TSHZ3: variants seen among roughly 807,000 people sequenced by gnomAD.
TSHZ3 encodes the protein teashirt homolog 3.
A neutral mutation model predicts 64.5 loss-of-function variants in TSHZ3; 10 were observed. That is an observed-to-expected ratio of 0.16 (90% CI 0.10 to 0.26). The LOEUF (loss-of-function observed/expected upper bound fraction) is 0.26, where lower values mean the gene tolerates loss of function less well. Among genes scored for constraint, TSHZ3 ranks in the 10% least tolerant of loss-of-function variants. The probability of loss-of-function intolerance (pLI) is 1.00; values close to 1 mark genes in which losing one functional copy is unlikely to be tolerated. For missense variants in TSHZ3, 1,242 were observed against 1,421.7 expected, an observed-to-expected ratio of 0.87 and a Z score of 2.03; for synonymous variants, 608 against 593.1, an observed-to-expected ratio of 1.03 and a Z score of -0.36.
intron 1 of TSHZ3, 92 bp downstream of exon 1, chr19:31,349,088 C>G (rs2021614216): frequency 6.8e-7 from 1 of 1,465,642 alleles, no homozygotes; most frequent in Non-Finnish European, 9.1e-7. Context: ...GGCAGAAGAG[C>G]GGGGCGAGGA....
At chr19:31,271,962 G>A (rs1376746577), downstream of TSHZ3, among the ~76,000 whole-genome samples, 1 of 151,988 alleles carries the variant, frequency 6.6e-6, no homozygotes, top group African/African-American at 2.4e-5. Context: ...AATACAAAGT[G>A]TATTATTTTC....
In TSHZ3 at chr19:31,277,668, T is replaced by G. The variant is rs1976267794; in HGVS notation, c.2125A>C (p.Ile709Leu). Residue 709 changes from isoleucine to leucine, a missense_variant, in exon 2 of 2, where the codon ATC (isoleucine) becomes CTC (leucine). Transcript: ENST00000240587. The surrounding 1 kb of genome is among the most constrained non-coding windows in gnomAD (Gnocchi z 4.5). ...ASSLSGSTAI[I>L]TDHPPEQPFV... Reference sequence around the variant, plus strand: ...GGCTGTTCAGGCGGGTGGTCGGTGATGATGGCCGTGCTGCCACTCAAACTG... The same window carrying G: ...GGCTGTTCAGGCGGGTGGTCGGTGAGGATGGCCGTGCTGCCACTCAAACTG... The G allele has an allele frequency of 6.5e-7, 1 of 1,530,350 alleles. No homozygotes were observed. The highest frequency in any genetic ancestry group is 1.4e-5 in the African/African-American group (1 of 72,172). 94.8% of individuals were successfully genotyped at this position (1,530,350 alleles called of 1,614,324 possible).
chr19:31,277,679 C>G lies in TSHZ3; in HGVS notation c.2114G>C (p.Ser705Thr). 5 of 1,527,408 alleles carry G rather than the reference C, an allele frequency of 3.3e-6. No homozygotes were observed. The highest frequency in any genetic ancestry group is 4.4e-6 in the Non-Finnish European group (5 of 1,139,348). The allele number at this position is 1,527,408 out of a possible 1,614,324, so 94.6% of individuals were successfully genotyped here. A position where few individuals can be genotyped will look rare whatever the true frequency, so the allele number is the denominator to read the frequency against. The change falls in exon 2 of 2, where the codon AGC becomes ACC. Residue 705 changes from serine to threonine, a missense_variant. By Grantham distance (58) the Ser-to-Thr change is moderately conservative (BLOSUM62 1). Around this residue, in one of 4 missense-constraint regions of TSHZ3, gnomAD observed 550 missense variants for 545.1 expected, o/e 1.01. Transcript: ENST00000240587. The surrounding 1 kb of genome is among the most constrained non-coding windows in gnomAD (Gnocchi z 4.5). ...CGGGTGGTCGGTGATGATGGCCGTGCTGCCACTCAAACTGCTGGCTAGGGG... is the reference window on the plus strand; with the variant it reads ...CGGGTGGTCGGTGATGATGGCCGTGGTGCCACTCAAACTGCTGGCTAGGGG... ...VKPLASSLSG[S>T]TAIITDHPPE...
chr19:31,161,229 T>G (rs1415525013), intron 5 of TSHZ3, among the ~76,000 whole-genome samples: 1 of 152,170 alleles, frequency 6.6e-6, no homozygotes. Context: ...GAGCCTAGAT[T>G]CTGGATGCCT....
intron 1 of TSHZ3, among the ~76,000 whole-genome samples, chr19:31,253,990 G>A (rs1975875771): frequency 6.6e-6 from 1 of 152,156 alleles, no homozygotes; most frequent in African/African-American, 2.4e-5. Context: ...AGGCAGAGGA[G>A]CTCCTGCTCT....
At chr19:31,242,966 G>C (rs1975714557) in intron 1 of TSHZ3, among the ~76,000 whole-genome samples, 1 of 152,126 alleles carries the variant, frequency 6.6e-6, no homozygotes, top group Admixed American at 6.5e-5. Context: ...CTTACATTGA[G>C]GGTAGATCTT....
At chr19:31,347,893 T>G (rs1448382878) in intron 1 of TSHZ3, among the ~76,000 whole-genome samples, 2 of 152,164 alleles carry the variant, frequency 1.3e-5, no homozygotes, top group Non-Finnish European at 2.9e-5. Context: ...CCGGCTGGCA[T>G]GATGGAAATT....
chr19:31,164,966 G>A (rs1358955699), intron 5 of TSHZ3, among the ~76,000 whole-genome samples: 1 of 152,234 alleles, frequency 6.6e-6, no homozygotes, highest in Non-Finnish European at 1.5e-5. Flanking sequence ...GCGAGCGGCA[G>A]CCTCGGGCCT....
At chr19:31,241,594 C>G (rs923529160) in intron 3 of TSHZ3, among the ~76,000 whole-genome samples, 2 of 152,224 alleles carry the variant, frequency 1.3e-5, no homozygotes, top group Admixed American at 6.5e-5. Flanking sequence ...AGGGAACCAC[C>G]TACACACCTC....
At chr19:31,157,121 A>G (rs1379267854) in intron 5 of TSHZ3, among the ~76,000 whole-genome samples, 1 of 152,194 alleles carries the variant, frequency 6.6e-6, no homozygotes, top group Non-Finnish European at 1.5e-5. Flanking sequence ...TGGGAATTTA[A>G]CTTAAAGAAA....
chr19:31,256,855 G>A (rs1339578414), intron 1 of TSHZ3, among the ~76,000 whole-genome samples: 10 of 152,160 alleles, frequency 6.6e-5, no homozygotes, highest in Admixed American at 3.9e-4. Context: ...TCCCTGTCTC[G>A]ATCTCCATCC....
At chr19:31,218,264 A>G (rs1975357110) in intron 4 of TSHZ3, among the ~76,000 whole-genome samples, 1 of 127,160 alleles carries the variant, frequency 7.9e-6, no homozygotes. Context: ...CTTACCAAAG[A>G]AGACAGAGAT....
In TSHZ3 at chr19:31,276,704, G is replaced by A. The variant is rs546169817; in HGVS notation, c.3089C>T (p.Thr1030Met). Residue 1030 changes from threonine to methionine, a missense_variant, in exon 2 of 2, where the codon ACG (threonine) becomes ATG (methionine). Thr to Met is a moderately conservative substitution (Grantham distance 81, BLOSUM62 -1). This residue lies in a region of TSHZ3 where 126 missense variants were observed against 140.6 expected (regional missense o/e 0.90). Coordinates refer to ENST00000240587, the MANE Select transcript of TSHZ3 (RefSeq NM_020856.4). ...CCCCAGGTCTTCCTCGGGGGAGGAC[G>A]TCACCATTTTTTCTGACGGTGACTT... ...QTKSPSEKMVTSSPEEDLGTS... is the reference protein window; with the variant it reads ...QTKSPSEKMVMSSPEEDLGTS... 57 of 1,613,670 alleles carry A rather than the reference G, an allele frequency of 3.5e-5. No homozygotes were observed. The South Asian group carries it at 4.2e-4, about 12-fold the overall frequency.
At chr19:31,314,053 T>C (rs1026746026) in intron 1 of TSHZ3, among the ~76,000 whole-genome samples, 1 of 152,196 alleles carries the variant, frequency 6.6e-6, no homozygotes, top group Non-Finnish European at 1.5e-5. Context: ...CCCTCGTGCC[T>C]GCCTCTCGAG....
At chr19:31,238,648 G>C (rs1015281631) in intron 3 of TSHZ3, among the ~76,000 whole-genome samples, 5 of 152,172 alleles carry the variant, frequency 3.3e-5, no homozygotes, top group Admixed American at 3.3e-4. Flanking sequence ...TCTAATGCCC[G>C]TATTTATCTC....
intron 1 of TSHZ3, among the ~76,000 whole-genome samples, chr19:31,331,145 C>T (rs1917078809): frequency 6.6e-6 from 1 of 152,084 alleles, no homozygotes; most frequent in African/African-American, 2.4e-5. Context: ...TAAGAGAGAC[C>T]CCCGGGCTGA....
intron 5 of TSHZ3, among the ~76,000 whole-genome samples, chr19:31,174,132 C>T (rs1251295801): frequency 1.3e-5 from 2 of 152,194 alleles, no homozygotes; most frequent in South Asian, 4.1e-4. Context: ...TTAGAAGTCC[C>T]CAGACATGCA....
chr19:31,224,777 C>A (rs923302115), intron 4 of TSHZ3, among the ~76,000 whole-genome samples: 3 of 152,160 alleles, frequency 2.0e-5, no homozygotes, highest in African/African-American at 7.2e-5. Flanking sequence ...GGGGAATCCA[C>A]CAAAATTTTC....
chr19:31,161,728 C>G (rs954885884), intron 5 of TSHZ3, among the ~76,000 whole-genome samples: 11 of 152,198 alleles, frequency 7.2e-5, no homozygotes, highest in Non-Finnish European at 2.9e-5. Flanking sequence ...TTAGAACCGG[C>G]CTATTCTGTT....
Sources: allele counts gnomAD v4.1 joint callset (sites outside exome capture counted in the v4.1 genomes callset), GRCh38; gene constraint gnomAD v4.1.1; regional missense constraint gnomAD v4.1.1; non-coding constraint Gnocchi (gnomAD v3.1); transcripts MANE v1.5; gene names NCBI Gene and HGNC (gene_info 2026-07-23, HGNC 2026-07-21).